The following ME3 variants were observed in gnomAD, a reference collection of about 807,000 sequenced individuals.
ME3 encodes the protein malic enzyme 3.
ME3 carries 48 observed loss-of-function variants against 68.9 expected under a neutral mutation model. The observed-to-expected ratio is 0.70, with a 90% CI of 0.55 to 0.89. The LOEUF (loss-of-function observed/expected upper bound fraction) is 0.89. Ranked by LOEUF, ME3 falls within the 40% of genes least tolerant of loss-of-function variation. ME3 has a pLI of 0.00. For synonymous variants in ME3, 320 were observed against 318.8 expected (o/e 1.00, Z -0.04); for missense variants, 675 against 797.4 (o/e 0.85, Z 1.85).
intron 2 of ME3, among the ~76,000 whole-genome samples, chr11:86,572,157 G>A (rs115262439): frequency 6.6e-6 from 1 of 152,148 alleles, no homozygotes; most frequent in Non-Finnish European, 1.5e-5. Context: ...CAACTAGCAC[G>A]TCTCACAGCT....
At chr11:86,574,416 T>C (rs1384643257) in intron 2 of ME3, among the ~76,000 whole-genome samples, 1 of 145,310 alleles carries the variant, frequency 6.9e-6, no homozygotes, top group East Asian at 2.1e-4. Flanking sequence ...GGGGGGTGTC[T>C]TTTTTGTTGA....
chr11:86,492,000 C>G (rs1952039040), intron 6 of ME3, among the ~76,000 whole-genome samples: 1 of 152,200 alleles, frequency 6.6e-6, no homozygotes, highest in African/African-American at 2.4e-5. Flanking sequence ...GGGGAAAGGA[C>G]ACTGCTGGTC....
chr11:86,617,506 G>A (rs2135241809), intron 2 of ME3, among the ~76,000 whole-genome samples: 1 of 152,206 alleles, frequency 6.6e-6, no homozygotes, highest in East Asian at 1.9e-4. Flanking sequence ...ATTTCCTAAA[G>A]GTAGGTGTAC....
Position 86,450,328 on chromosome 11 carries a change from G to C in ME3, c.990C>G (p.His330Gln), listed in dbSNP as rs768467057. 3.7e-6 allele frequency: 6 copies of C among 1,614,002 alleles called. No homozygotes were observed. In the Admixed American group the frequency reaches 5.0e-5, roughly 13 times the overall value. The change falls in exon 9 of 15, where the codon CAC becomes CAG. Residue 330 changes from histidine to glutamine, a missense_variant. Transcript: ENST00000543262. ...CGCCTGCACCTTGGAAAACAAACAC[G>C]TGATTGGAAAGCTTGTTCTTGGTGA...
At chr11:86,668,744 CCT>C (rs1280838204) in intron 2 of ME3, among the ~76,000 whole-genome samples, 1 of 152,198 alleles carries the variant, frequency 6.6e-6, no homozygotes, top group Non-Finnish European at 1.5e-5. Context: ...TCCTGACCAC[CCT>C]CTGTCATACA....
chr11:86,546,472 A>G (rs907999721), intron 4 of ME3, among the ~76,000 whole-genome samples: 1 of 152,262 alleles, frequency 6.6e-6, no homozygotes, highest in African/African-American at 2.4e-5. Flanking sequence ...TTTACAAGAA[A>G]TAAACAGACA....
intron 6 of ME3, among the ~76,000 whole-genome samples, chr11:86,495,720 G>T (rs1465102668): frequency 6.6e-6 from 1 of 152,214 alleles, no homozygotes; most frequent in Admixed American, 6.5e-5. Flanking sequence ...CAGCTGTAAA[G>T]CATGTATCCA....
intron 2 of ME3, among the ~76,000 whole-genome samples, chr11:86,617,787 C>T (rs949798250): frequency 6.6e-6 from 1 of 152,080 alleles, no homozygotes; most frequent in Non-Finnish European, 1.5e-5. Flanking sequence ...TATACTTTGG[C>T]TCTTTCATAT....
At chr11:86,480,569 G>A (rs7928552) in intron 7 of ME3, among the ~76,000 whole-genome samples, 1,666 of 152,296 alleles carry the variant, frequency 0.011, 36 homozygotes, top group African/African-American at 0.038. Context: ...CCGTTTCACT[G>A]TCATGAAGTC....
intron 5 of ME3, among the ~76,000 whole-genome samples, chr11:86,505,424 C>T (rs1440703379): frequency 1.3e-5 from 2 of 152,150 alleles, no homozygotes; most frequent in Non-Finnish European, 2.9e-5. Context: ...AATCCAAGTG[C>T]TTGGATATAT....
chr11:86,524,033 G>A (rs980043392), intron 4 of ME3, among the ~76,000 whole-genome samples: 1 of 152,170 alleles, frequency 6.6e-6, no homozygotes, highest in South Asian at 2.1e-4. Flanking sequence ...TACTCCTTCA[G>A]AAATAATAAT....
intron 2 of ME3, 171 bp downstream of exon 2, chr11:86,671,591 G>A (rs1457823294): frequency 4.2e-6 from 3 of 718,444 alleles, no homozygotes; most frequent in East Asian, 3.2e-5. Context: ...ATAAAAGGGA[G>A]AGGAGGGACA....
intron 4 of ME3, among the ~76,000 whole-genome samples, chr11:86,549,799 T>C (rs1956573668): frequency 1.3e-5 from 2 of 152,106 alleles, no homozygotes; most frequent in South Asian, 4.2e-4. Context: ...ATGGCAGATG[T>C]AGAACTCCCC....
At chr11:86,668,211 A>G (rs560870994) in intron 2 of ME3, 1 of 152,218 alleles carries the variant, frequency 6.6e-6, no homozygotes, top group East Asian at 1.9e-4. Flanking sequence ...ATCTCTGTGG[A>G]GTTGCTTGGC....
chr11:86,596,294 T>A (rs1391653132), intron 2 of ME3, among the ~76,000 whole-genome samples: 2 of 152,324 alleles, frequency 1.3e-5, no homozygotes, highest in East Asian at 3.9e-4. Flanking sequence ...ACATACTGAA[T>A]TTCAGTCTCT....
At chr11:86,551,023 G>A (rs1025778142) in intron 4 of ME3, among the ~76,000 whole-genome samples, 14 of 151,814 alleles carry the variant, frequency 9.2e-5, no homozygotes, top group African/African-American at 1.5e-4. Context: ...GGAGGTGGTT[G>A]AAGACAAGAA....
intron 2 of ME3, among the ~76,000 whole-genome samples, chr11:86,570,122 C>T (rs1957706244): frequency 6.6e-6 from 1 of 152,156 alleles, no homozygotes. Flanking sequence ...TTTCCTTTTA[C>T]CAGCATCATT....
At chr11:86,647,552 G>A (rs1474151639) in intron 2 of ME3, among the ~76,000 whole-genome samples, 11 of 151,528 alleles carry the variant, frequency 7.3e-5, no homozygotes, top group Admixed American at 2.0e-4. Context: ...ATAAAGGGAT[G>A]GAGGAAGATT....
chr11:86,494,821 A>G (rs147845746), intron 6 of ME3, among the ~76,000 whole-genome samples: 7 of 152,304 alleles, frequency 4.6e-5, no homozygotes, highest in Admixed American at 2.6e-4. Context: ...GATACCCACT[A>G]AACACTCAAT....
Sources: gnomAD v4.1 joint callset for allele counts (sites outside exome capture counted in the v4.1 genomes callset) on GRCh38, gnomAD v4.1.1 for gene constraint, MANE v1.5 for transcripts, NCBI Gene and HGNC (gene_info 2026-07-23, HGNC 2026-07-21) for gene names.